ADAMTS13: variants seen among roughly 807,000 people sequenced by gnomAD.
ADAMTS13 encodes A disintegrin and metalloproteinase with thrombospondin motifs 13.
A neutral mutation model predicts 155.1 loss-of-function variants in ADAMTS13; 110 were observed. The ratio of observed to expected loss-of-function variants is 0.71; its 90% confidence interval spans 0.61 to 0.83. The LOEUF is 0.83. Ranked by LOEUF, ADAMTS13 falls within the 40% of genes least tolerant of loss-of-function variation. The pLI, the probability that ADAMTS13 is intolerant of heterozygous loss-of-function variation, is 0.00. For synonymous variants in ADAMTS13, 758 were observed against 756.4 expected (o/e 1.00, Z -0.03); for missense variants, 1,707 against 1,891.7 (o/e 0.90, Z 1.81).
At chr9:133,418,081 CCT>C, upstream of ADAMTS13, 1 of 543,200 alleles carries the variant, frequency 1.8e-6, no homozygotes, top group Non-Finnish European at 3.2e-6. Context: ...CGGATCCCTG[CCT>C]CTGGTTCCGC....
At position 133,454,411 on chromosome 9, in the gene ADAMTS13, G is replaced by C; in HGVS notation, c.3045-4G>C. The C allele has an allele frequency of 6.2e-7, 1 of 1,613,806 alleles. No individual in the cohort carries two copies. Among genetic ancestry groups the C allele is most frequent in the South Asian group, 1.1e-5 (1 of 91,076 alleles). On this transcript the variant is annotated splice_region_variant and splice_polypyrimidine_tract_variant and intron_variant, in intron 23 of 28. Transcript: ENST00000355699. The stretch of plus-strand genomic sequence containing the variant: ...CCTCTCTCTGGGGTCTTCTCTTCCT[G>C]CAGGTGGAAAGTCATGTCCCTTGGC...
At position 133,438,326 on chromosome 9, in the gene ADAMTS13, C is replaced by T; in HGVS notation, c.1665C>T (p.Cys555=). ...CQVCGGDNST[C]SPRKGSFTAG... ...TGTGTGGTGGGGACAACAGCACGTG[C>T]AGCCCACGGAAGGGCTCTTTCACAG... Residue 555 remains cysteine, a synonymous_variant, in exon 14 of 29, where the codon TGC becomes TGT. Coordinates refer to ENST00000355699, the MANE Select transcript of ADAMTS13 (RefSeq NM_139027.6). 1.2e-6 allele frequency: 2 copies of T among 1,614,102 alleles called. No individual in the cohort carries two copies. Among genetic ancestry groups the T allele is most frequent in the East Asian group, 2.2e-5 (1 of 44,870 alleles).
chr9:133,454,396 G>A lies in ADAMTS13; in HGVS notation c.3045-19G>A. ...TCTGGGGAGACCTAGCCTCTCTCTG[G>A]GGTCTTCTCTTCCTGCAGGTGGAAA... On this transcript the variant is annotated intron_variant, in intron 23 of 28. Coordinates refer to ENST00000355699, the MANE Select transcript of ADAMTS13 (RefSeq NM_139027.6). 1 of 1,613,406 alleles carries A rather than the reference G, an allele frequency of 6.2e-7. No individual in the cohort carries two copies.
chr9:133,451,349 C>T (rs932396541), intron 23 of ADAMTS13, among the ~76,000 whole-genome samples: 3 of 152,224 alleles, frequency 2.0e-5, no homozygotes, highest in African/African-American at 4.8e-5. Context: ...CCTCCGCCTC[C>T]CGGGTTCAAG....
chr9:133,455,046 G>A (rs1268535273), intron 24 of ADAMTS13, among the ~76,000 whole-genome samples: 2 of 152,156 alleles, frequency 1.3e-5, no homozygotes, highest in African/African-American at 4.8e-5. Flanking sequence ...AGGCTTGGAG[G>A]GACAGAGAGG....
At chr9:133,447,428 A>G (rs587708825) in intron 21 of ADAMTS13, among the ~76,000 whole-genome samples, 2 of 152,104 alleles carry the variant, frequency 1.3e-5, no homozygotes, top group Admixed American at 6.5e-5. Flanking sequence ...AATAGCTACT[A>G]TACCCTGCTA....
chr9:133,433,440 G>T lies in ADAMTS13; in HGVS notation c.1155G>T (p.Gly385=). Residue 385 remains glycine (G), a synonymous_variant, in exon 10 of 29, where the codon GGG becomes GGT. Coordinates refer to ENST00000355699, the MANE Select transcript of ADAMTS13 (RefSeq NM_139027.6). ...TGACCCCCATAGCAGCAGTGCATGG[G>T]CGCTGGTCTAGCTGGGGTCCCCGAA... ...VELTPIAAVH[G]RWSSWGPRSP... 1.2e-6 allele frequency: 2 copies of T among 1,613,456 alleles called. No individual in the cohort carries two copies. Among genetic ancestry groups the T allele is most frequent in the Non-Finnish European group, 1.7e-6 (2 of 1,179,956 alleles).
Position 133,426,419 on chromosome 9 carries a change from G to A in ADAMTS13, c.686+74G>A, listed in dbSNP as rs3118668. 1,204 of 1,574,686 alleles carry A rather than the reference G, an allele frequency of 7.6e-4. 10 individuals are homozygous for A. The African/African-American group carries it at 0.015, about 19-fold the overall frequency. On this transcript the variant is annotated intron_variant, in intron 6 of 28. Transcript: ENST00000355699. ...GGGTACCCAGGGTGGAGGTGGTCTT[G>A]GCAAGCAGTGGGTCCTTGTAGAGTT...
chr9:133,424,329 C>G lies in ADAMTS13; in HGVS notation c.181C>G (p.Pro61Ala), dbSNP rs782680569. ...SPGAPLKGRP[P>A]SPGFQRQRQR... ...TCCCTCTCCCCCTCCAGGCCGCCCTCCTTCCCCTGGCTTCCAGAGGCAGAG... is the reference window on the plus strand; with the variant it reads ...TCCCTCTCCCCCTCCAGGCCGCCCTGCTTCCCCTGGCTTCCAGAGGCAGAG... Residue 61 changes from proline to alanine, a missense_variant, in exon 3 of 29, where the codon CCT becomes GCT. Around this residue, in one of 3 missense-constraint regions of ADAMTS13, gnomAD observed 733 missense variants for 749.6 expected, o/e 0.98. Coordinates refer to ENST00000355699, the MANE Select transcript of ADAMTS13 (RefSeq NM_139027.6). This position sits in a 1 kb window ranked among gnomAD's most constrained non-coding sequence, Gnocchi z 4.3. 1 of 1,612,898 alleles carries G rather than the reference C, an allele frequency of 6.2e-7. No individual in the cohort carries two copies. The highest frequency in any genetic ancestry group is 1.1e-5 in the South Asian group (1 of 91,038).
chr9:133,457,877 C>G, intron 27 of ADAMTS13, 33 bp from the exon 28 acceptor site: 1 of 1,613,394 alleles, frequency 6.2e-7, no homozygotes, highest in South Asian at 1.1e-5. Flanking sequence ...ACCGGTCTGT[C>G]TGGGTTCCTA....
At chr9:133,418,373 G>A (rs1839805491), upstream of ADAMTS13, among the ~76,000 whole-genome samples, 1 of 152,246 alleles carries the variant, frequency 6.6e-6, no homozygotes, top group Non-Finnish European at 1.5e-5. Flanking sequence ...GCCTTGGGCT[G>A]CTCCTTGCTC....
intron 1 of ADAMTS13, among the ~76,000 whole-genome samples, chr9:133,416,537 G>A (rs1468890363): frequency 2.6e-5 from 4 of 152,166 alleles, no homozygotes; most frequent in Non-Finnish European, 4.4e-5. Context: ...CTGGAGCCCA[G>A]GCAGCAGTGA....
At chr9:133,426,434 C>T (rs587616259) in intron 6 of ADAMTS13, 89 bp downstream of exon 6, 1 of 1,540,160 alleles carries the variant, frequency 6.5e-7, no homozygotes, top group East Asian at 2.3e-5. Flanking sequence ...GCAGTGGGTC[C>T]TTGTAGAGTT....
chr9:133,422,349 A>C, upstream of ADAMTS13: 1 of 1,186,140 alleles, frequency 8.4e-7, no homozygotes, highest in Non-Finnish European at 1.2e-6. Flanking sequence ...CCCGCCCAGT[A>C]GTGAGCAGGC....
At chr9:133,437,391 G>C (rs1841315280) in intron 12 of ADAMTS13, among the ~76,000 whole-genome samples, 1 of 152,096 alleles carries the variant, frequency 6.6e-6, no homozygotes, top group Admixed American at 6.5e-5. Flanking sequence ...CGAATAGCTG[G>C]GACTACAGGC....
At chr9:133,426,770 A>G (rs1225636349) in intron 6 of ADAMTS13, among the ~76,000 whole-genome samples, 1 of 151,572 alleles carries the variant, frequency 6.6e-6, no homozygotes, top group East Asian at 1.9e-4. Context: ...TATGCTGTGC[A>G]TTGCTTTGTT....
intron 9 of ADAMTS13, among the ~76,000 whole-genome samples, chr9:133,433,109 T>G (rs1588165096): frequency 2.9e-5 from 3 of 105,072 alleles, no homozygotes; most frequent in Non-Finnish European, 3.8e-5. Context: ...TGTTGGGGGG[T>G]CTCTGGGTGT....
At chr9:133,428,459 T>A (rs953721278) in intron 6 of ADAMTS13, among the ~76,000 whole-genome samples, 175 bp from the exon 7 acceptor site, 3 of 152,142 alleles carry the variant, frequency 2.0e-5, no homozygotes, top group Non-Finnish European at 4.4e-5. Context: ...CACGCGACCC[T>A]CTCCACTGCG....
rs782469774 is a variant in ADAMTS13 at position 133,456,321 on chromosome 9, C to G, written c.3547+106C>G. ...GGCAGGAGCCCATGTGCATTCCCAC[C>G]TGTAGTTTGCATCCCATCTCATGAC... On this transcript the variant is annotated intron_variant, in intron 26 of 28. Coordinates refer to ENST00000355699, the MANE Select transcript of ADAMTS13 (RefSeq NM_139027.6). This position sits in a 1 kb window ranked among gnomAD's most constrained non-coding sequence, Gnocchi z 4.4. 3.9e-6 allele frequency: 6 copies of G among 1,546,714 alleles called. No homozygotes were observed. The highest frequency in any genetic ancestry group is 5.3e-6 in the Non-Finnish European group (6 of 1,134,846).
Sources: gnomAD v4.1 joint callset for allele counts (sites outside exome capture counted in the v4.1 genomes callset) on GRCh38, gnomAD v4.1.1 for gene constraint, gnomAD v4.1.1 regional missense constraint, Gnocchi (gnomAD v3.1) non-coding constraint, MANE v1.5 for transcripts, NCBI Gene and HGNC (gene_info 2026-07-23, HGNC 2026-07-21) for gene names.